Variants in ZNF347 observed in about 807,000 individuals in gnomAD.
ZNF347 encodes CTD-2620I22.7.
In ZNF347, 19 loss-of-function variants were observed where a neutral mutation model predicts 12.9. That is an observed-to-expected ratio of 1.47 (90% CI 1.03 to 2.16). The LOEUF (loss-of-function observed/expected upper bound fraction) is 2.16, where lower values mean the gene tolerates loss of function less well. ZNF347 is among the 30% of genes most tolerant of loss of function. ZNF347 has a pLI of 0.00. For missense variants in ZNF347, 1,005 were observed against 990.6 expected (o/e 1.01, Z -0.19); for synonymous variants, 328 against 340.6 (o/e 0.96, Z 0.41).
intron 2 of ZNF347, among the ~76,000 whole-genome samples, chr19:53,152,139 C>T (rs1056702915): frequency 1.6e-4 from 24 of 148,962 alleles, no homozygotes; most frequent in African/African-American, 4.7e-4. Flanking sequence ...TAAAAAAACA[C>T]GCACTCACGT....
At chr19:53,148,449 A>G (rs1290131922) in intron 4 of ZNF347, among the ~76,000 whole-genome samples, 1 of 152,194 alleles carries the variant, frequency 6.6e-6, no homozygotes, top group Non-Finnish European at 1.5e-5. Flanking sequence ...GCTAGAAAAC[A>G]GTGTTGTCCA....
chr19:53,138,581 A>G lies in ZNF347; in HGVS notation c.*1727T>C, dbSNP rs1178921263. On this transcript the variant is annotated 3_prime_UTR_variant, in exon 5 of 5. Transcript: ENST00000334197. ...AAACTGCACTTTCTATGGGATTTTC[A>G]TTATATCCATATAAATATTCTAAGG... 1 of 152,210 alleles carries G rather than the reference A, an allele frequency of 6.6e-6. No individual in the cohort carries two copies. The highest frequency in any genetic ancestry group is 1.9e-4 in the East Asian group (1 of 5,194). The allele number at this position is 152,210 out of a possible 1,614,324, so 9.4% of individuals were successfully genotyped here. A position where few individuals can be genotyped will look rare whatever the true frequency, so the allele number is the denominator to read the frequency against.
At position 53,136,487 on chromosome 19, in the gene ZNF347, C is replaced by T. The variant is rs1392229157; in HGVS notation, c.*3821G>A. ...TTGGCTCATGGCTGTAATCCTAGCA[C>T]TTTGGGAAGCTGAGGCAGGAGGAAT... On this transcript the variant is annotated 3_prime_UTR_variant, in exon 5 of 5. Coordinates refer to ENST00000334197, the MANE Select transcript of ZNF347 (RefSeq NM_032584.3). 6.6e-6 allele frequency: 1 copy of T among 151,616 alleles called. No individual in the cohort carries two copies. Among genetic ancestry groups the T allele is most frequent in the Non-Finnish European group, 1.5e-5 (1 of 67,950 alleles). The allele number at this position is 151,616 out of a possible 1,614,324, so 9.4% of individuals were successfully genotyped here. A position where few individuals can be genotyped will look rare whatever the true frequency, so the allele number is the denominator to read the frequency against.
At position 53,149,242 on chromosome 19, in the gene ZNF347, C is replaced by CA; in HGVS notation, c.140dup (p.Ile49AsnfsTer5). 2.5e-6 allele frequency: 4 copies of CA among 1,612,198 alleles called. No individual in the cohort carries two copies. The South Asian group carries it at 4.4e-5, about 18-fold the overall frequency. ...CTTCTGGAAGAAAGTCATCCTCACCCAGGGAGGCCAGGTTCCTATAATTCT... is the reference window on the plus strand; with the variant it reads ...CTTCTGGAAGAAAGTCATCCTCACCCAAGGGAGGCCAGGTTCCTATAATTCT... On this transcript the variant is annotated frameshift_variant and splice_region_variant, in exon 3 of 5. Coordinates refer to ENST00000334197, the MANE Select transcript of ZNF347 (RefSeq NM_032584.3). LOFTEE classifies it high-confidence loss of function.
rs138912076 is a variant in ZNF347, at chr19:53,140,814, G to A, written c.2014C>T (p.Arg672Trp). The A allele has an allele frequency of 1.9e-5, 31 of 1,613,636 alleles. No individual in the cohort carries two copies. Among genetic ancestry groups the A allele is most frequent in the East Asian group, 1.6e-4 (7 of 44,892 alleles). Residue 672 changes from arginine (R) to tryptophan (W), a missense_variant, in exon 5 of 5, where the codon CGG (arginine) becomes TGG (tryptophan). Arg to Trp is a moderately radical substitution (Grantham distance 101). Coordinates refer to ENST00000334197, the MANE Select transcript of ZNF347 (RefSeq NM_032584.3). ...FTQNSHLARH[R>W]RVHTGGKPYQ... ...GGTTTACCTCCAGTATGAACTCTCC[G>A]ATGTCTTGCAAGGTGTGAATTCTGA...
In ZNF347 at chr19:53,141,493, A is replaced by G; in HGVS notation, c.1335T>C (p.Ala445=). ...GKAFGVRSSL[A]IHLVIHTGEK... ...CTCCGGTGTGAATTACCAGATGAAT[A>G]GCTAGGCTTGAACGAACACCAAAGG... is the stretch of plus-strand genomic sequence containing the variant. The change falls in exon 5 of 5, where the codon GCT becomes GCC. Residue 445 remains alanine (A), a synonymous_variant. Coordinates refer to ENST00000334197, the MANE Select transcript of ZNF347 (RefSeq NM_032584.3). 1 of 1,614,072 alleles carries G rather than the reference A, an allele frequency of 6.2e-7. No individual in the cohort carries two copies. The highest frequency in any genetic ancestry group is 8.5e-7 in the Non-Finnish European group (1 of 1,180,012).
chr19:53,149,134 C>T, intron 3 of ZNF347, 107 bp downstream of exon 3: 1 of 1,558,916 alleles, frequency 6.4e-7, no homozygotes, highest in Non-Finnish European at 8.6e-7. Flanking sequence ...TCAGTCAACA[C>T]AGCTTCAGTC....
chr19:53,153,807 A>G lies in ZNF347; in HGVS notation c.-46-14T>C. 1 of 1,610,700 alleles carries G rather than the reference A, an allele frequency of 6.2e-7. No homozygotes were observed. The highest frequency in any genetic ancestry group is 8.5e-7 in the Non-Finnish European group (1 of 1,177,156). On this transcript the variant is annotated splice_polypyrimidine_tract_variant and intron_variant, in intron 1 of 4. Coordinates refer to ENST00000334197, the MANE Select transcript of ZNF347 (RefSeq NM_032584.3). ...CAAGGGTTCTTCCTTAGGTAACAGG[A>G]AAGTGCCTTTAGAAGTCAATATTGA...
At position 53,139,366 on chromosome 19, in the gene ZNF347, A is replaced by G. The variant is rs889181208; in HGVS notation, c.*942T>C. The G allele has an allele frequency of 2.8e-4, 42 of 152,326 alleles. No individual in the cohort carries two copies. The highest frequency in any genetic ancestry group is 9.6e-4 in the African/African-American group (40 of 41,568). The allele number at this position is 152,326 out of a possible 1,614,324, so 9.4% of individuals were successfully genotyped here. A position where few individuals can be genotyped will look rare whatever the true frequency, so the allele number is the denominator to read the frequency against. On this transcript the variant is annotated 3_prime_UTR_variant, in exon 5 of 5. Transcript: ENST00000334197. ...ATAAACATGGATAAAAATGATCCTC[A>G]TGTAATGAAGTAAGCCTTTCCATAC...
Position 53,135,390 on chromosome 19 carries a change from A to AGAGGGAGG in ZNF347, c.*4917_*4918insCCTCCCTC, listed in dbSNP as rs2090383635. ...GAGAAAGAGAGAGAGAGAGAGAGAG[A>AGAGGGAGG]GAGATGGAGTCCCGCTCTGTCACTG... On this transcript the variant is annotated 3_prime_UTR_variant, in exon 5 of 5. Coordinates refer to ENST00000334197, the MANE Select transcript of ZNF347 (RefSeq NM_032584.3). 2 of 147,032 alleles carry AGAGGGAGG rather than the reference A, an allele frequency of 1.4e-5. No homozygotes were observed. The highest frequency in any genetic ancestry group is 5.0e-5 in the African/African-American group (2 of 39,700). The allele number at this position is 147,032 out of a possible 1,614,324, so 9.1% of individuals were successfully genotyped here. A position where few individuals can be genotyped will look rare whatever the true frequency, so the allele number is the denominator to read the frequency against.
At chr19:53,143,043 A>G (rs2090439820) in intron 4 of ZNF347, among the ~76,000 whole-genome samples, 1 of 152,248 alleles carries the variant, frequency 6.6e-6, no homozygotes, top group Non-Finnish European at 1.5e-5. Flanking sequence ...TATTAAAAAT[A>G]AGCACAACAG....
Position 53,135,361 on chromosome 19 carries a change from GAGAGAGAA to G in ZNF347, c.*4939_*4946del, listed in dbSNP as rs1363781915. 358 of 123,810 alleles carry G rather than the reference GAGAGAGAA, an allele frequency of 2.9e-3. 2 individuals are homozygous for G. Among genetic ancestry groups the G allele is most frequent in the African/African-American group, 6.3e-3 (219 of 34,664 alleles). The allele number at this position is 123,810 out of a possible 1,614,324, so 7.7% of individuals were successfully genotyped here. On this transcript the variant is annotated 3_prime_UTR_variant, in exon 5 of 5. Transcript: ENST00000334197. ...ATATAGAGAGAGAGAGAGAGAGAGA[GAGAGAGAA>G]AGAGAGAGAGAGAGAGAGAGAGAGA... is the stretch of plus-strand genomic sequence containing the variant.
Position 53,153,641 on chromosome 19 carries a change from C to T in ZNF347, c.15+92G>A, listed in dbSNP as rs377195330. The T allele has an allele frequency of 7.2e-4, 1,103 of 1,526,800 alleles. 1 individual carries two copies. Among genetic ancestry groups the T allele is most frequent in the Middle Eastern group, 1.7e-3 (10 of 5,916 alleles). 94.6% of individuals were successfully genotyped at this position (1,526,800 alleles called of 1,614,324 possible). A position where few individuals can be genotyped will look rare whatever the true frequency, so the allele number is the denominator to read the frequency against. On this transcript the variant is annotated intron_variant, in intron 2 of 4. Transcript: ENST00000334197. ...GTGCGAGCAAACCTGTCAGGCAGGA[C>T]GCTTCAGACTCAGAGAAGATTCCCA...
rs563508772 is a variant in ZNF347 at position 53,157,066 on chromosome 19, A to G, written c.-47+1943T>C. On this transcript the variant is annotated intron_variant, in intron 1 of 4. Transcript: ENST00000334197. ...CATACACTCGCCCACACCCTACCCTATTCCAGGAAAAGGGAAGTGGGTGGA... is the reference window on the plus strand; with the variant it reads ...CATACACTCGCCCACACCCTACCCTGTTCCAGGAAAAGGGAAGTGGGTGGA... Among the ~76,000 whole-genome samples the G allele has an allele frequency of 9.2e-5, 14 of 152,292 alleles. No homozygotes were observed. The South Asian group carries it at 1.2e-3, about 14-fold the overall frequency.
At position 53,141,322 on chromosome 19, in the gene ZNF347, G is replaced by A. The variant is rs1204966271; in HGVS notation, c.1506C>T (p.Thr502=). ...KAFRAHSNLT[T]HQVIHTGEKP... ...TTTCTCCAGTATGGATGACCTGATG[G>A]GTAGTTAGGTTTGAATGTGCTCTAA... is the stretch of plus-strand genomic sequence containing the variant. The change falls in exon 5 of 5, where the codon ACC becomes ACT. Residue 502 remains threonine, a synonymous_variant. Coordinates refer to ENST00000334197, the MANE Select transcript of ZNF347 (RefSeq NM_032584.3). The A allele has an allele frequency of 6.2e-7, 1 of 1,612,702 alleles. No homozygotes were observed. The highest frequency in any genetic ancestry group is 8.5e-7 in the Non-Finnish European group (1 of 1,179,722).
rs768064085 is a variant in ZNF347, at chr19:53,142,571, G to A, written c.272-15C>T. ...GGAAGAGAGAGCTACAAGATATAAA[G>A]ATCCATAGGTTTCCAATTAATTGTA... On this transcript the variant is annotated splice_polypyrimidine_tract_variant and intron_variant, in intron 4 of 4. Coordinates refer to ENST00000334197, the MANE Select transcript of ZNF347 (RefSeq NM_032584.3). The A allele has an allele frequency of 4.0e-6, 6 of 1,515,716 alleles. No homozygotes were observed. Among genetic ancestry groups the A allele is most frequent in the Non-Finnish European group, 3.5e-6 (4 of 1,134,334 alleles). The allele number at this position is 1,515,716 out of a possible 1,614,324, so 93.9% of individuals were successfully genotyped here.
chr19:53,142,017 G>A lies in ZNF347; in HGVS notation c.811C>T (p.Pro271Ser), dbSNP rs764311669. 6.2e-7 allele frequency: 1 copy of A among 1,614,022 alleles called. No individual in the cohort carries two copies. Among genetic ancestry groups the A allele is most frequent in the Non-Finnish European group, 8.5e-7 (1 of 1,179,984 alleles). The change falls in exon 5 of 5, where the codon CCT (proline) becomes TCT (serine). Residue 271 changes from proline (P) to serine (S), a missense_variant. Pro to Ser is a moderately conservative substitution (Grantham distance 74, BLOSUM62 -1). Transcript: ENST00000334197. ...YKSNGCGMVFPQNSHLASHQR... is the reference protein window; with the variant it reads ...YKSNGCGMVFSQNSHLASHQR... ...TGACTTGCAAGGTGTGAATTTTGAG[G>A]AAAGACCATGCCACATCCATTAGAT...
intron 2 of ZNF347, among the ~76,000 whole-genome samples, chr19:53,149,710 G>C (rs868687774): frequency 2.0e-5 from 3 of 152,278 alleles, no homozygotes; most frequent in Non-Finnish European, 2.9e-5. Context: ...GGGGCTGAAG[G>C]CTCGGCTGAT....
In ZNF347 at chr19:53,141,206, T is replaced by C. The variant is rs762167731; in HGVS notation, c.1622A>G (p.Tyr541Cys). 6.2e-7 allele frequency: 1 copy of C among 1,608,588 alleles called. No homozygotes were observed. The highest frequency in any genetic ancestry group is 8.5e-7 in the Non-Finnish European group (1 of 1,175,794). The change falls in exon 5 of 5, where the codon TAT becomes TGT. Residue 541 changes from tyrosine to cysteine, a missense_variant. Physicochemically the swap from Tyr to Cys is radical, Grantham distance 194 (BLOSUM62 -2). Transcript: ENST00000334197. ...GGCTTTGCCGCACTCATTACACATA[T>C]AAGGCTTCACTCCAGTATGAATTCT... ...HQRIHTGVKPYMCNECGKAFS... is the reference protein window; with the variant it reads ...HQRIHTGVKPCMCNECGKAFS...
Sources: gnomAD v4.1 joint callset for allele counts (sites outside exome capture counted in the v4.1 genomes callset) on GRCh38, gnomAD v4.1.1 for gene constraint, MANE v1.5 for transcripts, NCBI Gene and HGNC (gene_info 2026-07-23, HGNC 2026-07-21) for gene names.